Variants in ZBTB20 observed in about 807,000 individuals in gnomAD.
ZBTB20 encodes zinc finger and BTB domain-containing protein 20.
ZBTB20 carries 9 observed loss-of-function variants against 56.9 expected under a neutral mutation model. That is an observed-to-expected ratio of 0.16 (90% CI 0.10 to 0.28). ZBTB20 has a LOEUF of 0.28. Among genes scored for constraint, ZBTB20 ranks in the 10% least tolerant of loss-of-function variants. The pLI is 1.00. For missense variants in ZBTB20, 655 were observed against 1,003.0 expected (o/e 0.65, Z 4.69); for synonymous variants, 417 against 420.7 (o/e 0.99, Z 0.11).
intron 6 of ZBTB20, among the ~76,000 whole-genome samples, chr3:114,501,927 C>T (rs1189395717): frequency 1.3e-5 from 2 of 151,852 alleles, no homozygotes; most frequent in Non-Finnish European, 2.9e-5. Flanking sequence ...AGGCTGGTCT[C>T]AAACTCCTGA....
intron 7 of ZBTB20, among the ~76,000 whole-genome samples, chr3:114,408,176 T>C (rs1173586379): frequency 2.0e-5 from 3 of 152,224 alleles, no homozygotes; most frequent in Non-Finnish European, 4.4e-5. Context: ...AATCTATTTG[T>C]TAATTTTTGT....
chr3:114,339,957 T>A lies in ZBTB20; in HGVS notation c.1805-531A>T, dbSNP rs1406492989. Among the ~76,000 whole-genome samples, 3 of 152,216 alleles carry A rather than the reference T, an allele frequency of 2.0e-5. No individual in the cohort carries two copies. Among genetic ancestry groups the A allele is most frequent in the Non-Finnish European group, 4.4e-5 (3 of 68,036 alleles). ...GTAGTCTAAGAAATACACCTATGTG[T>A]TGATTGTGAGTTTGGAAAATATTTG... On this transcript the variant is annotated intron_variant, in intron 11 of 11. Coordinates refer to ENST00000675478, the MANE Select transcript of ZBTB20 (RefSeq NM_001348800.3). This position sits in a 1 kb window ranked among gnomAD's most constrained non-coding sequence, Gnocchi z 4.2.
At chr3:115,074,557 G>T (rs1382695789) in intron 1 of ZBTB20, among the ~76,000 whole-genome samples, 2 of 152,140 alleles carry the variant, frequency 1.3e-5, no homozygotes, top group African/African-American at 2.4e-5. Context: ...TTCTGAAAAT[G>T]ATGAAGTAAC....
At chr3:114,906,653 T>C (rs2075329689) in intron 3 of ZBTB20, among the ~76,000 whole-genome samples, 1 of 151,626 alleles carries the variant, frequency 6.6e-6, no homozygotes, top group Non-Finnish European at 1.5e-5. Flanking sequence ...GCATTATCTA[T>C]GGCATTTAGG....
intron 3 of ZBTB20, among the ~76,000 whole-genome samples, chr3:114,911,032 T>A (rs906621698): frequency 2.0e-5 from 3 of 151,996 alleles, no homozygotes; most frequent in South Asian, 4.1e-4. Flanking sequence ...ATTTTCTCTG[T>A]CCTATTCTTG....
intron 4 of ZBTB20, among the ~76,000 whole-genome samples, chr3:114,838,281 G>T (rs1373408760): frequency 1.3e-5 from 2 of 152,054 alleles, no homozygotes; most frequent in South Asian, 2.1e-4. Flanking sequence ...TGATACATCA[G>T]GTTTAACTCA....
At position 114,777,908 on chromosome 3, in the gene ZBTB20, T is replaced by C. The variant is rs531502445; in HGVS notation, c.-343+23193A>G. On this transcript the variant is annotated intron_variant, in intron 5 of 11. Transcript: ENST00000675478. ...GGCACATATACACCATGGAATACTA[T>C]GCAGCCATAAAAAATGATGAGTTCA... is the stretch of plus-strand genomic sequence containing the variant. 7.7e-3 allele frequency among the ~76,000 whole-genome samples: 1,169 copies of C among 151,918 alleles called. 11 individuals carry two copies. The highest frequency in any genetic ancestry group is 0.026 in the African/African-American group (1,057 of 41,426).
At chr3:114,690,711 C>T (rs57841983) in intron 6 of ZBTB20, among the ~76,000 whole-genome samples, 260 of 152,208 alleles carry the variant, frequency 1.7e-3, no homozygotes, top group African/African-American at 5.8e-3. Context: ...ATATAATTCC[C>T]CCTTTTACAT....
intron 1 of ZBTB20, among the ~76,000 whole-genome samples, chr3:115,143,339 T>A (rs759642347): frequency 2.2e-4 from 33 of 152,186 alleles, no homozygotes; most frequent in Non-Finnish European, 4.3e-4. Context: ...GCCTATAAAC[T>A]AATTACAATA....
intron 7 of ZBTB20, among the ~76,000 whole-genome samples, chr3:114,399,018 T>A (rs991588617): frequency 6.6e-6 from 1 of 152,128 alleles, no homozygotes; most frequent in Admixed American, 6.6e-5. Flanking sequence ...GGGCAGGTTG[T>A]CTCGGGCTAG....
At chr3:114,494,861 G>A (rs1330586679) in intron 7 of ZBTB20, among the ~76,000 whole-genome samples, 2 of 152,194 alleles carry the variant, frequency 1.3e-5, no homozygotes, top group East Asian at 3.8e-4. Context: ...TTTTTCAATA[G>A]GTTTAGAATT....
chr3:114,533,859 C>A (rs2048145605), intron 6 of ZBTB20, among the ~76,000 whole-genome samples: 1 of 152,174 alleles, frequency 6.6e-6, no homozygotes, highest in South Asian at 2.1e-4. Context: ...AAAGAATTTT[C>A]AACCCAGAAT....
chr3:114,660,516 A>T (rs1018274525), intron 6 of ZBTB20, among the ~76,000 whole-genome samples: 1 of 151,916 alleles, frequency 6.6e-6, no homozygotes, highest in African/African-American at 2.4e-5. Context: ...ATTTTTAGGG[A>T]TTTTTTTTCC....
At chr3:114,648,113 A>C (rs1411703735) in intron 6 of ZBTB20, among the ~76,000 whole-genome samples, 4 of 151,986 alleles carry the variant, frequency 2.6e-5, no homozygotes, top group African/African-American at 9.7e-5. Context: ...TATAGAATGT[A>C]TTATGACATT....
chr3:115,108,340 T>C (rs1361721308), intron 1 of ZBTB20, among the ~76,000 whole-genome samples: 1 of 152,156 alleles, frequency 6.6e-6, no homozygotes, highest in Non-Finnish European at 1.5e-5. Flanking sequence ...GGAAAACATC[T>C]TGATAAGCTG....
At chr3:114,864,388 C>T (rs1199834415) in intron 4 of ZBTB20, among the ~76,000 whole-genome samples, 1 of 151,750 alleles carries the variant, frequency 6.6e-6, no homozygotes, top group African/African-American at 2.4e-5. Context: ...TTTATTTAGC[C>T]AAGGTTAAAA....
chr3:114,658,471 T>C (rs1382290009), intron 6 of ZBTB20: 1 of 152,200 alleles, frequency 6.6e-6, no homozygotes, highest in Admixed American at 6.5e-5. Context: ...CAGAGTTAAA[T>C]TCCAACCATT....
chr3:115,078,017 A>G (rs923490571), intron 1 of ZBTB20, among the ~76,000 whole-genome samples: 1 of 152,180 alleles, frequency 6.6e-6, no homozygotes, highest in Non-Finnish European at 1.5e-5. Context: ...CAATTTGTAG[A>G]TAAGGAAACT....
rs766685824 is a variant in ZBTB20 at position 114,320,795 on chromosome 3, A to G, written c.*18210T>C. ...AAAAGTACTCAAATAGACATAGCAA[A>G]TGGACTCTATTCTTATAAAAATAAC... On this transcript the variant is annotated 3_prime_UTR_variant, in exon 12 of 12. Coordinates refer to ENST00000675478, the MANE Select transcript of ZBTB20 (RefSeq NM_001348800.3). 8 of 152,190 alleles carry G rather than the reference A, an allele frequency of 5.3e-5. No individual in the cohort carries two copies. The highest frequency in any genetic ancestry group is 8.8e-5 in the Non-Finnish European group (6 of 68,030). 9.4% of individuals were successfully genotyped at this position (152,190 alleles called of 1,614,324 possible).
Sources: gnomAD v4.1 joint callset for allele counts (sites outside exome capture counted in the v4.1 genomes callset) on GRCh38, gnomAD v4.1.1 for gene constraint, Gnocchi (gnomAD v3.1) non-coding constraint, MANE v1.5 for transcripts, NCBI Gene and HGNC (gene_info 2026-07-23, HGNC 2026-07-21) for gene names.